SZT2: variants seen among roughly 807,000 people sequenced by gnomAD.
SZT2 encodes KICSTOR complex protein SZT2.
A neutral mutation model predicts 404.2 loss-of-function variants in SZT2; 216 were observed. That is an observed-to-expected ratio of 0.53 (90% CI 0.48 to 0.60). The LOEUF is 0.60. Ranked by LOEUF, SZT2 falls within the 20% of genes least tolerant of loss-of-function variation. The pLI is 0.00. For missense variants in SZT2, 3,857 were observed against 4,459.2 expected, an observed-to-expected ratio of 0.86 and a Z score of 3.85; for synonymous variants, 1,693 against 1,749.9, an observed-to-expected ratio of 0.97 and a Z score of 0.81.
At position 43,451,274 on chromosome 1, in the gene SZT2, G is replaced by C; in HGVS notation, c.*794G>C. On this transcript the variant is annotated 3_prime_UTR_variant, in exon 72 of 72. Transcript: ENST00000634258. ...CCTCTGGGTGGCCCCGCCTATCCCA[G>C]TATGAACGTAGCCAACTCAAGCCCT... The C allele has an allele frequency of 1.9e-6, 3 of 1,614,090 alleles. No individual in the cohort carries two copies. Among genetic ancestry groups the C allele is most frequent in the Non-Finnish European group, 2.5e-6 (3 of 1,180,026 alleles).
Position 43,451,623 on chromosome 1 carries a change from GGA to G in SZT2, c.*1145_*1146del, listed in dbSNP as rs755822589. 94 of 1,613,892 alleles carry G rather than the reference GGA, an allele frequency of 5.8e-5. No homozygotes were observed. The highest frequency in any genetic ancestry group is 7.6e-5 in the Non-Finnish European group (90 of 1,179,924). ...GACAGATGTGGGGATTGAAAGGGTG[GGA>G]GGGCAAAGGAAGGTCCTCTCACCAA... On this transcript the variant is annotated 3_prime_UTR_variant, in exon 72 of 72. Transcript: ENST00000634258.
chr1:43,427,835 A>G (rs944405418), intron 26 of SZT2, 101 bp downstream of exon 26: 26 of 1,426,606 alleles, frequency 1.8e-5, no homozygotes, highest in African/African-American at 5.7e-5. Flanking sequence ...TTGCTGCCAT[A>G]TCCTGCTGGC....
In SZT2 at chr1:43,447,038, C is replaced by T. The variant is rs373393001; in HGVS notation, c.9156C>T (p.Arg3052=). ...VHSFSYDFHL[R]LVHQHVLGAH... ...CGTTCAGCTATGACTTCCATCTGCG[C>T]CTCGTGCATCAGCACGTGCTAGGTG... Residue 3052 remains arginine (R), a synonymous_variant, in exon 66 of 72, where the codon CGC becomes CGT. Transcript: ENST00000634258. The T allele has an allele frequency of 1.1e-5, 18 of 1,613,990 alleles. No homozygotes were observed. Among genetic ancestry groups the T allele is most frequent in the Middle Eastern group, 1.7e-4 (1 of 6,038 alleles).
intron 1 of SZT2, among the ~76,000 whole-genome samples, chr1:43,392,332 T>C (rs1014249614): frequency 4.6e-5 from 7 of 151,978 alleles, no homozygotes; most frequent in Non-Finnish European, 2.9e-5. Context: ...CATATAGTAG[T>C]CTTTACCATA....
chr1:43,442,182 T>C lies in SZT2; in HGVS notation c.7873+52T>C. ...GGGCGGGTAGGCTAAGAGTAACTGG[T>C]GGGGTCTCCAACCTTGCAGAGGGGA... On this transcript the variant is annotated intron_variant, in intron 56 of 71. Coordinates refer to ENST00000634258, the MANE Select transcript of SZT2 (RefSeq NM_001365999.1). This position sits in a 1 kb window ranked among gnomAD's most constrained non-coding sequence, Gnocchi z 4.5. 1 of 1,565,492 alleles carries C rather than the reference T, an allele frequency of 6.4e-7. No homozygotes were observed. The highest frequency in any genetic ancestry group is 1.7e-5 in the Admixed American group (1 of 57,854).
At chr1:43,391,897 CGG>C (rs1557494173) in intron 1 of SZT2, among the ~76,000 whole-genome samples, 358 of 28,534 alleles carry the variant, frequency 0.013, 136 homozygotes, top group Middle Eastern at 0.038. Flanking sequence ...CTGGCTAAAA[CGG>C]TGAAACCCTG....
rs886041594 is a variant in SZT2, at chr1:43,445,892, A to G, written c.8826-2A>G. On this transcript the variant is annotated splice_acceptor_variant, in intron 62 of 71. Coordinates refer to ENST00000634258, the MANE Select transcript of SZT2 (RefSeq NM_001365999.1). LOFTEE classifies it high-confidence loss of function. Reference sequence around the variant, plus strand: ...CCTCTTATCCCTCCTCCTTTTCTATAGCACCAGCCGGCCACGGGCCATGGC... The same window carrying G: ...CCTCTTATCCCTCCTCCTTTTCTATGGCACCAGCCGGCCACGGGCCATGGC... The G allele has an allele frequency of 6.2e-7, 1 of 1,614,162 alleles. No homozygotes were observed. The highest frequency in any genetic ancestry group is 8.5e-7 in the Non-Finnish European group (1 of 1,180,018).
chr1:43,424,520 T>C lies in SZT2; in HGVS notation c.2471+88T>C, dbSNP rs956699286. ...CTAGCAAAAAGCCTATAGCACACAC[T>C]TCTCCTCTCTAATTCCCAGTCTGAA... On this transcript the variant is annotated intron_variant, in intron 16 of 71. Coordinates refer to ENST00000634258, the MANE Select transcript of SZT2 (RefSeq NM_001365999.1). The surrounding 1 kb of genome is among the most constrained non-coding windows in gnomAD (Gnocchi z 4.1). 6 of 1,318,932 alleles carry C rather than the reference T, an allele frequency of 4.5e-6. No homozygotes were observed. The highest frequency in any genetic ancestry group is 2.6e-4 in the Middle Eastern group (1 of 3,832). 81.7% of individuals were successfully genotyped at this position (1,318,932 alleles called of 1,614,324 possible).
chr1:43,392,083 CAAAAAAAAAAAAAAAAAAAAAAAAAAA>C lies in SZT2; in HGVS notation c.27+2106_27+2132del, dbSNP rs57476239. ...TGGGCGACAGAGCGAGACTCCGTCT[CAAAAAAAAAAAAAAAAAAAAAAAAAAA>C]AAAAAAAAAAAAAAAAATGAAACAA... On this transcript the variant is annotated intron_variant, in intron 1 of 71. Coordinates refer to ENST00000634258, the MANE Select transcript of SZT2 (RefSeq NM_001365999.1). Among the ~76,000 whole-genome samples the C allele has an allele frequency of 3.3e-3, 11 of 3,378 alleles. 3 individuals are homozygous for C. In the South Asian group the frequency reaches 0.034, roughly 10 times the overall value. 2.2% of individuals were successfully genotyped at this position (3,378 alleles called of 152,430 possible).
At position 43,415,212 on chromosome 1, in the gene SZT2, A is replaced by G. The variant is rs1557531808; in HGVS notation, c.629A>G (p.Gln210Arg). ...CAGCAGCAGTACGATCCCCAGAGCCAGGTATGTAAGAGAGAAAGTGGGCAG... is the reference window on the plus strand; with the variant it reads ...CAGCAGCAGTACGATCCCCAGAGCCGGGTATGTAAGAGAGAAAGTGGGCAG... ...MLQQQYDPQS[Q>R]AEDQSPDSGD... Residue 210 changes from glutamine (Q) to arginine (R), a missense_variant and splice_region_variant, in exon 5 of 72, where the codon CAG (glutamine) becomes CGG (arginine). Around this residue, in one of 7 missense-constraint regions of SZT2, gnomAD observed 536 missense variants for 637.4 expected, o/e 0.84. Coordinates refer to ENST00000634258, the MANE Select transcript of SZT2 (RefSeq NM_001365999.1). The G allele has an allele frequency of 7.5e-6, 12 of 1,597,596 alleles. No individual in the cohort carries two copies. Among genetic ancestry groups the G allele is most frequent in the Non-Finnish European group, 1.0e-5 (12 of 1,179,420 alleles).
At chr1:43,430,890 C>A (rs1653789426) in intron 32 of SZT2, 59 bp from the exon 33 acceptor site, 1 of 1,587,212 alleles carries the variant, frequency 6.3e-7, no homozygotes, top group South Asian at 1.2e-5. Context: ...ACACATAGAT[C>A]TTGGAATCTG....
intron 40 of SZT2, among the ~76,000 whole-genome samples, chr1:43,434,076 G>A (rs1323386442): frequency 1.3e-5 from 2 of 152,186 alleles, no homozygotes; most frequent in Middle Eastern, 3.2e-3. Flanking sequence ...CCATTCTGAA[G>A]AAGACTTGAG....
At position 43,422,777 on chromosome 1, in the gene SZT2, A is replaced by C. The variant is rs775627450; in HGVS notation, c.1931A>C (p.Asp644Ala). 6.3e-7 allele frequency: 1 copy of C among 1,584,864 alleles called. No homozygotes were observed. The highest frequency in any genetic ancestry group is 2.3e-5 in the East Asian group (1 of 44,158). Residue 644 changes from aspartate to alanine, a missense_variant, in exon 14 of 72, where the codon GAC becomes GCC. Physicochemically the swap from Asp to Ala is moderately radical, Grantham distance 126. This residue lies in a region of SZT2 where 1,725 missense variants were observed against 1,881.0 expected (regional missense o/e 0.92). Transcript: ENST00000634258. ...CTCCCATTTCTCCCCAGTGCCCCAG[A>C]CCAGCCCCCCAATTCCTTCTACATG... is the stretch of plus-strand genomic sequence containing the variant. ...SYVKLLSSAPDQPPNSFYMVR... is the reference protein window; with the variant it reads ...SYVKLLSSAPAQPPNSFYMVR...
chr1:43,450,086 C>G lies in SZT2; in HGVS notation c.10087-17C>G, dbSNP rs1413760022. 1 of 1,614,120 alleles carries G rather than the reference C, an allele frequency of 6.2e-7. No homozygotes were observed. Among genetic ancestry groups the G allele is most frequent in the South Asian group, 1.1e-5 (1 of 91,088 alleles). ...GGGTCTGTAGGGTCTGTGTCCCCTCCTCATCTTTCACTGCAGGTTGTGCTG... is the reference window on the plus strand; with the variant it reads ...GGGTCTGTAGGGTCTGTGTCCCCTCGTCATCTTTCACTGCAGGTTGTGCTG... On this transcript the variant is annotated splice_polypyrimidine_tract_variant and intron_variant, in intron 70 of 71. Transcript: ENST00000634258. This position sits in a 1 kb window ranked among gnomAD's most constrained non-coding sequence, Gnocchi z 4.3.
rs1416479711 is a variant in SZT2, at chr1:43,450,405, A to T, written c.10224A>T (p.Gln3408His). The part of the protein sequence containing the change: ...QPQDSESPPA[Q>H]LVSTYHHLES... ...AGGACAGCGAGAGCCCCCCTGCCCAACTGGTCTCCACCTACCACCACCTGG... is the reference window on the plus strand; with the variant it reads ...AGGACAGCGAGAGCCCCCCTGCCCATCTGGTCTCCACCTACCACCACCTGG... The change falls in exon 72 of 72, where the codon CAA becomes CAT. Residue 3408 changes from glutamine to histidine, a missense_variant. Gln to His is a conservative substitution (Grantham distance 24). Transcript: ENST00000634258. This position sits in a 1 kb window ranked among gnomAD's most constrained non-coding sequence, Gnocchi z 4.3. 6.2e-7 allele frequency: 1 copy of T among 1,613,816 alleles called. No homozygotes were observed. Among genetic ancestry groups the T allele is most frequent in the Non-Finnish European group, 8.5e-7 (1 of 1,179,938 alleles).
chr1:43,443,407 C>T lies in SZT2; in HGVS notation c.8555C>T (p.Thr2852Ile). ...QSSRLVHYCA[T>I]AMLFDPAAWL... ...TCCCGCCTGGTGCATTACTGTGCAA[C>T]AGCCATGCTCTTCGACCCAGCTGCC... The change falls in exon 61 of 72, where the codon ACA becomes ATA. Residue 2852 changes from threonine (T) to isoleucine (I), a missense_variant. Around this residue, in one of 7 missense-constraint regions of SZT2, gnomAD observed 717 missense variants for 868.2 expected, o/e 0.83. Transcript: ENST00000634258. The T allele has an allele frequency of 6.2e-7, 1 of 1,614,218 alleles. No homozygotes were observed. The highest frequency in any genetic ancestry group is 1.1e-5 in the South Asian group (1 of 91,088).
At position 43,426,635 on chromosome 1, in the gene SZT2, T is replaced by C. The variant is rs1241558736; in HGVS notation, c.3215-80T>C. ...CTGTCTTTGAGTTTTGGCTTTCCCC[T>C]TCCTCCCCCTTTCTTCAACCCAGAG... On this transcript the variant is annotated intron_variant, in intron 22 of 71. Transcript: ENST00000634258. The surrounding 1 kb of genome is among the most constrained non-coding windows in gnomAD (Gnocchi z 4.9). The C allele has an allele frequency of 9.3e-6, 14 of 1,512,742 alleles. No individual in the cohort carries two copies. The highest frequency in any genetic ancestry group is 2.8e-5 in the African/African-American group (2 of 72,374). The allele number at this position is 1,512,742 out of a possible 1,614,324, so 93.7% of individuals were successfully genotyped here. A position where few individuals can be genotyped will look rare whatever the true frequency, so the allele number is the denominator to read the frequency against.
chr1:43,451,880 C>T lies in SZT2; in HGVS notation c.*1400C>T. ...AGAAGCCAGGGAGGGGACCGTGAGCCTCAAGAGCACAGGAATCAAAAGGGA... is the reference window on the plus strand; with the variant it reads ...AGAAGCCAGGGAGGGGACCGTGAGCTTCAAGAGCACAGGAATCAAAAGGGA... On this transcript the variant is annotated 3_prime_UTR_variant, in exon 72 of 72. Transcript: ENST00000634258. The T allele has an allele frequency of 6.2e-6, 10 of 1,614,052 alleles. No individual in the cohort carries two copies. Among genetic ancestry groups the T allele is most frequent in the Non-Finnish European group, 8.5e-6 (10 of 1,179,952 alleles).
At chr1:43,434,960 T>C (rs1294054309) in intron 41 of SZT2, among the ~76,000 whole-genome samples, 1 of 152,162 alleles carries the variant, frequency 6.6e-6, no homozygotes, top group Non-Finnish European at 1.5e-5. Context: ...GAGGAAGTGA[T>C]TTTTAAGCTG....
Sources: allele counts gnomAD v4.1 joint callset (sites outside exome capture counted in the v4.1 genomes callset), GRCh38; gene constraint gnomAD v4.1.1; regional missense constraint gnomAD v4.1.1; non-coding constraint Gnocchi (gnomAD v3.1); transcripts MANE v1.5; gene names NCBI Gene and HGNC (gene_info 2026-07-23, HGNC 2026-07-21).